Variants in PRORP observed in about 807,000 individuals in gnomAD.
PRORP encodes protein only RNase P catalytic subunit, also known as mitochondrial ribonuclease P catalytic subunit.
PRORP carries 51 observed loss-of-function variants against 59.4 expected under a neutral mutation model. The observed-to-expected ratio is 0.86, with a 90% confidence interval of 0.69 to 1.08. The LOEUF (loss-of-function observed/expected upper bound fraction) is 1.08, where lower values mean the gene tolerates loss of function less well. Among genes scored for constraint, PRORP ranks in the 50% least tolerant of loss-of-function variants. The pLI is 0.00. For missense variants in PRORP, 646 were observed against 690.3 expected (o/e 0.94, Z 0.72); for synonymous variants, 231 against 245.6 (o/e 0.94, Z 0.55).
At chr14:35,125,262 CCCTT>C (rs1452209891) in intron 2 of PRORP, among the ~76,000 whole-genome samples, 1 of 152,158 alleles carries the variant, frequency 6.6e-6, no homozygotes, top group Non-Finnish European at 1.5e-5. Context: ...AAAATCTTAA[CCCTT>C]CCAGTTTGTT....
chr14:35,226,436 A>T lies in PRORP; in HGVS notation c.1276-40291A>T, dbSNP rs193266264. Among the ~76,000 whole-genome samples the T allele has an allele frequency of 3.1e-3, 470 of 152,360 alleles. 14 individuals are homozygous for T. The highest frequency in any genetic ancestry group is 0.028 in the Admixed American group (427 of 15,298). ...TTAGCTAAGGAGGGATCAAATAATTATGTGGAAATTGGCATTTAATCTGGA... is the reference window on the plus strand; with the variant it reads ...TTAGCTAAGGAGGGATCAAATAATTTTGTGGAAATTGGCATTTAATCTGGA... On this transcript the variant is annotated intron_variant, in intron 5 of 7. Transcript: ENST00000534898.
At chr14:35,273,376 A>G in intron 7 of PRORP, 59 bp from the exon 8 acceptor site, 3 of 1,496,280 alleles carry the variant, frequency 2.0e-6, no homozygotes, top group Non-Finnish European at 2.7e-6. Context: ...AGAAAGAGAA[A>G]TGGCCAAGTA....
intron 4 of PRORP, among the ~76,000 whole-genome samples, chr14:35,152,002 G>A (rs2047766670): frequency 6.6e-6 from 1 of 150,504 alleles, no homozygotes; most frequent in Non-Finnish European, 1.5e-5. Flanking sequence ...CAGGGTCATA[G>A]GACAATAGTG....
At chr14:35,246,261 CGTTGGTTATTTT>C (rs1301226869) in intron 5 of PRORP, among the ~76,000 whole-genome samples, 17 of 152,036 alleles carry the variant, frequency 1.1e-4, no homozygotes, top group Non-Finnish European at 7.4e-5. Context: ...GGGAGATGTT[CGTTGGTTATTTT>C]GTTGATGATT....
chr14:35,209,441 C>T (rs1290647235), intron 5 of PRORP, among the ~76,000 whole-genome samples: 3 of 152,226 alleles, frequency 2.0e-5, no homozygotes, highest in African/African-American at 7.2e-5. Context: ...ATGTTCATCA[C>T]AGCAAGCCCT....
Position 35,169,099 on chromosome 14 carries a change from T to TA in PRORP, c.1168-11570dup, listed in dbSNP as rs1457657989. 2.6e-5 allele frequency among the ~76,000 whole-genome samples: 4 copies of TA among 151,570 alleles called. No homozygotes were observed. The South Asian group carries it at 6.2e-4, about 24-fold the overall frequency. Reference sequence around the variant, plus strand: ...TTATGACCTTTCTTTCTTTTTTTTTTATATAAGTATTTAAAGCTATGTATT... The same window carrying TA: ...TTATGACCTTTCTTTCTTTTTTTTTTAATATAAGTATTTAAAGCTATGTATT... On this transcript the variant is annotated intron_variant, in intron 4 of 7. Transcript: ENST00000534898.
chr14:35,156,168 A>G (rs574526818), intron 4 of PRORP, among the ~76,000 whole-genome samples: 1 of 152,330 alleles, frequency 6.6e-6, no homozygotes, highest in Non-Finnish European at 1.5e-5. Context: ...TAGGCATTTC[A>G]CAAAGGGAAA....
chr14:35,125,076 G>A (rs1287793054), intron 2 of PRORP, among the ~76,000 whole-genome samples: 3 of 152,032 alleles, frequency 2.0e-5, no homozygotes, highest in Middle Eastern at 3.4e-3. Context: ...TGTTGGTCAG[G>A]CTGCTCTCGA....
chr14:35,130,234 A>G (rs2047205791), intron 4 of PRORP, among the ~76,000 whole-genome samples: 1 of 151,776 alleles, frequency 6.6e-6, no homozygotes, highest in Non-Finnish European at 1.5e-5. Context: ...GGGCTTCACC[A>G]TGTTAACCAG....
Position 35,123,063 on chromosome 14 carries a change from G to T in PRORP, c.-183G>T. The T allele has an allele frequency of 3.1e-6, 2 of 637,230 alleles. No individual in the cohort carries two copies. The highest frequency in any genetic ancestry group is 2.7e-6 in the Non-Finnish European group (1 of 377,008). 39.5% of individuals were successfully genotyped at this position (637,230 alleles called of 1,614,324 possible). A position where few individuals can be genotyped will look rare whatever the true frequency, so the allele number is the denominator to read the frequency against. On this transcript the variant is annotated 5_prime_UTR_variant, in exon 2 of 8. Transcript: ENST00000534898. ...GTTGTTTAATAGAGAAAACTCACCT[G>T]CCTTCTTGCTTTTAAGTAGCCCCAA... is the stretch of plus-strand genomic sequence containing the variant.
In PRORP at chr14:35,168,863, A is replaced by G. The variant is rs928524414; in HGVS notation, c.1168-11807A>G. 7.2e-5 allele frequency among the ~76,000 whole-genome samples: 11 copies of G among 152,012 alleles called. No homozygotes were observed. In the South Asian group the frequency reaches 2.3e-3, roughly 32 times the overall value. ...TCCTGTTTTCTTCTAGAATTTTCATAGTTTCGGCTTTTAAGTTTATGAACT... is the reference window on the plus strand; with the variant it reads ...TCCTGTTTTCTTCTAGAATTTTCATGGTTTCGGCTTTTAAGTTTATGAACT... On this transcript the variant is annotated intron_variant, in intron 4 of 7. Coordinates refer to ENST00000534898, the MANE Select transcript of PRORP (RefSeq NM_014672.4).
intron 5 of PRORP, among the ~76,000 whole-genome samples, chr14:35,240,294 C>CTTTTTTTTTTTTTTTTTTTTTTTT (rs3058452): frequency 1.8e-5 from 2 of 109,430 alleles, no homozygotes; most frequent in African/African-American, 3.5e-5. Context: ...TTTAAACCAT[C>CTTTTTTTTTTTTTTTTTTTTTTTT]TTTTTTTTTT....
At chr14:35,131,632 G>A (rs527901152) in intron 4 of PRORP, among the ~76,000 whole-genome samples, 10 of 151,434 alleles carry the variant, frequency 6.6e-5, no homozygotes, top group Non-Finnish European at 1.2e-4. Context: ...GGGTTCAAGC[G>A]ATTCTCCTTC....
rs753337084 is a variant in PRORP, at chr14:35,124,119, A to G, written c.874A>G (p.Ile292Val). ...AGCTTTCTTTGATTTTGGAAAAGAC[A>G]TAAAGGATGATAACTATTCAAATAA... ...LKAFFDFGKD[I>V]KDDNYSNKLL... The change falls in exon 2 of 8, where the codon ATA becomes GTA. Residue 292 changes from isoleucine to valine, a missense_variant. Physicochemically the swap from Ile to Val is conservative, Grantham distance 29. Coordinates refer to ENST00000534898, the MANE Select transcript of PRORP (RefSeq NM_014672.4). 1.1e-5 allele frequency: 18 copies of G among 1,613,104 alleles called. No individual in the cohort carries two copies. Among genetic ancestry groups the G allele is most frequent in the Non-Finnish European group, 7.6e-6 (9 of 1,179,400 alleles).
intron 5 of PRORP, among the ~76,000 whole-genome samples, chr14:35,246,163 C>T (rs566041792): frequency 2.0e-5 from 3 of 152,076 alleles, no homozygotes; most frequent in African/African-American, 4.8e-5. Context: ...TAAAATTTTA[C>T]GGTGCTGTGA....
chr14:35,180,780 A>G lies in PRORP; in HGVS notation c.1275+3A>G. On this transcript the variant is annotated splice_donor_region_variant and intron_variant, in intron 5 of 7. Coordinates refer to ENST00000534898, the MANE Select transcript of PRORP (RefSeq NM_014672.4). Reference sequence around the variant, plus strand: ...CTAAAGTTCGTGAATCTCAACTTGTAAGTATAAGTTTTACTTTGTTATTCC... The same window carrying G: ...CTAAAGTTCGTGAATCTCAACTTGTGAGTATAAGTTTTACTTTGTTATTCC... The G allele has an allele frequency of 6.4e-7, 1 of 1,564,558 alleles. No homozygotes were observed. The highest frequency in any genetic ancestry group is 1.1e-5 in the South Asian group (1 of 89,644).
intron 5 of PRORP, among the ~76,000 whole-genome samples, chr14:35,230,997 A>C (rs2050065521): frequency 6.6e-6 from 1 of 150,696 alleles, no homozygotes; most frequent in Admixed American, 6.7e-5. Context: ...GTTGATGTCT[A>C]GTCTCTAGAA....
At chr14:35,149,436 C>A (rs114679544) in intron 4 of PRORP, among the ~76,000 whole-genome samples, 49 of 152,206 alleles carry the variant, frequency 3.2e-4, no homozygotes, top group African/African-American at 1.0e-3. Flanking sequence ...TGGTCTCGAA[C>A]GCCTGACCTC....
intron 5 of PRORP, among the ~76,000 whole-genome samples, chr14:35,243,202 T>A (rs1338892709): frequency 6.6e-6 from 1 of 152,134 alleles, no homozygotes; most frequent in African/African-American, 2.4e-5. Context: ...ATGCAAAAGA[T>A]GTTACTGGAA....
Sources: gnomAD v4.1 joint callset for allele counts (sites outside exome capture counted in the v4.1 genomes callset) on GRCh38, gnomAD v4.1.1 for gene constraint, MANE v1.5 for transcripts, NCBI Gene and HGNC (gene_info 2026-07-23, HGNC 2026-07-21) for gene names.